NADSYN1: variants seen among roughly 807,000 people sequenced by gnomAD.
NADSYN1 encodes the protein glutamine-dependent NAD(+) synthetase.
In NADSYN1, 80 loss-of-function variants were observed where a neutral mutation model predicts 99.3. The observed-to-expected ratio is 0.81, with a 90% CI of 0.67 to 0.97. NADSYN1 has a LOEUF of 0.97. Ranked by LOEUF, NADSYN1 falls within the 50% of genes least tolerant of loss-of-function variation. NADSYN1 has a pLI of 0.00. For synonymous variants in NADSYN1, 385 were observed against 372.1 expected, an observed-to-expected ratio of 1.03 and a Z score of -0.40; for missense variants, 859 against 948.5, an observed-to-expected ratio of 0.91 and a Z score of 1.24.
chr11:71,494,461 CCTGT>C (rs773483541), intron 18 of NADSYN1, among the ~76,000 whole-genome samples: 86 of 152,198 alleles, frequency 5.7e-4, no homozygotes, highest in Non-Finnish European at 1.0e-3. Flanking sequence ...GACGCAGTGG[CCTGT>C]CTATGTGTTT....
intron 2 of NADSYN1, among the ~76,000 whole-genome samples, chr11:71,456,873 C>G (rs967455385): frequency 6.6e-6 from 1 of 152,244 alleles, no homozygotes; most frequent in Non-Finnish European, 1.5e-5. Flanking sequence ...TCACTGAGCA[C>G]ACCGCCTCTT....
At chr11:71,473,222 T>G (rs927254187) in intron 6 of NADSYN1, 56 bp from the exon 7 acceptor site, 1 of 1,525,320 alleles carries the variant, frequency 6.6e-7, no homozygotes, top group Non-Finnish European at 9.1e-7. Context: ...AGGTAGTGCG[T>G]GGCCCAGACA....
At chr11:71,489,581 C>T (rs551756908) in intron 16 of NADSYN1, among the ~76,000 whole-genome samples, 36 of 152,376 alleles carry the variant, frequency 2.4e-4, no homozygotes, top group African/African-American at 8.4e-4. Context: ...GTCATCTCCC[C>T]TGGCCCATCT....
At chr11:71,493,213 G>GT (rs1949795681) in intron 18 of NADSYN1, among the ~76,000 whole-genome samples, 1 of 152,250 alleles carries the variant, frequency 6.6e-6, no homozygotes, top group South Asian at 2.1e-4. Flanking sequence ...TTTCAACAGT[G>GT]TTTTTTCTAG....
intron 2 of NADSYN1, among the ~76,000 whole-genome samples, chr11:71,457,759 C>T (rs886137682): frequency 6.6e-6 from 1 of 152,178 alleles, no homozygotes; most frequent in East Asian, 1.9e-4. Flanking sequence ...TCTCTGCCTC[C>T]GTCCTCATGT....
chr11:71,474,385 C>G lies in NADSYN1; in HGVS notation c.667-10C>G. On this transcript the variant is annotated splice_polypyrimidine_tract_variant and intron_variant, in intron 8 of 20. Coordinates refer to ENST00000319023, the MANE Select transcript of NADSYN1 (RefSeq NM_018161.5). ...GCTGACCACTCCGCTATGGGGTCCT[C>G]CTTTTTCAGAACGGTGGGATTTACT... 1.2e-6 allele frequency: 2 copies of G among 1,614,074 alleles called. No individual in the cohort carries two copies. The highest frequency in any genetic ancestry group is 2.2e-5 in the South Asian group (2 of 91,078).
intron 1 of NADSYN1, among the ~76,000 whole-genome samples, chr11:71,454,809 C>T (rs772516739): frequency 5.9e-5 from 9 of 152,208 alleles, no homozygotes; most frequent in Non-Finnish European, 1.3e-4. Flanking sequence ...CTCCATGGTG[C>T]TAAGGGTCAG....
chr11:71,474,409 C>G lies in NADSYN1; in HGVS notation c.681C>G (p.Tyr227Ter). ...TCCTTTTTCAGAACGGTGGGATTTA[C>G]TTGCTGGCCAACCAGAAGGGTTGTG... ...TMVTSKNGGIYLLANQKGCDG... is the reference protein window; with the variant it reads ...TMVTSKNGGI Residue 227 changes from tyrosine to a stop codon, truncating the protein, a stop_gained, in exon 9 of 21, where the codon TAC (tyrosine) becomes TAG (stop). Transcript: ENST00000319023. LOFTEE classifies it high-confidence loss of function. The G allele has an allele frequency of 6.2e-7, 1 of 1,614,202 alleles. No homozygotes were observed.
chr11:71,484,786 CCTGAGCGTGAGA>C (rs1191943195), intron 15 of NADSYN1: 9 of 299,852 alleles, frequency 3.0e-5, no homozygotes, highest in Admixed American at 4.3e-5. Context: ...TGAGTGTGAG[CCTGAGCGTGAGA>C]GGTTACATGA....
intron 9 of NADSYN1, chr11:71,476,017 C>A (rs1458012279): frequency 2.2e-6 from 1 of 456,218 alleles, no homozygotes; most frequent in Non-Finnish European, 4.4e-6. Context: ...CCCGGCCTCT[C>A]TTTCTGTTTT....
chr11:71,490,893 C>A lies in NADSYN1; in HGVS notation c.1611C>A (p.Asn537Lys). The change falls in exon 17 of 21, where the codon AAC (asparagine) becomes AAA (lysine). Residue 537 changes from asparagine (N) to lysine (K), a missense_variant. Coordinates refer to ENST00000319023, the MANE Select transcript of NADSYN1 (RefSeq NM_018161.5). ...TKYDCSSADINPIGGISKTDL... is the reference protein window; with the variant it reads ...TKYDCSSADIKPIGGISKTDL... Reference sequence around the variant, plus strand: ...ACGACTGCTCCAGTGCGGACATCAACCCCATAGGCGGGATCAGCAAGACGG... The same window carrying A: ...ACGACTGCTCCAGTGCGGACATCAAACCCATAGGCGGGATCAGCAAGACGG... 2 of 1,614,226 alleles carry A rather than the reference C, an allele frequency of 1.2e-6. No individual in the cohort carries two copies. Among genetic ancestry groups the A allele is most frequent in the Non-Finnish European group, 1.7e-6 (2 of 1,180,028 alleles).
intron 16 of NADSYN1, 69 bp downstream of exon 16, chr11:71,485,717 G>A (rs1034625697): frequency 6.9e-6 from 8 of 1,161,312 alleles, no homozygotes; most frequent in Non-Finnish European, 9.7e-6. Flanking sequence ...GTGATACGCT[G>A]TGAGATTCTA....
chr11:71,478,405 C>T lies in NADSYN1; in HGVS notation c.809C>T (p.Thr270Met), dbSNP rs756054806. Residue 270 changes from threonine to methionine, a missense_variant, in exon 10 of 21, where the codon ACG becomes ATG. Thr to Met is a moderately conservative substitution (Grantham distance 81). Coordinates refer to ENST00000319023, the MANE Select transcript of NADSYN1 (RefSeq NM_018161.5). ...QFSLDDVEVLTATLDLEDVRS... is the reference protein window; with the variant it reads ...QFSLDDVEVLMATLDLEDVRS... ...AATTTCCTTCTCCAGGAAGTCCTGA[C>T]GGCCACGCTGGATCTGGAGGACGTC... is the stretch of plus-strand genomic sequence containing the variant. The T allele has an allele frequency of 1.0e-4, 166 of 1,606,674 alleles. 1 individual carries two copies. The highest frequency in any genetic ancestry group is 4.1e-4 in the Admixed American group (24 of 59,036).
chr11:71,493,234 T>C (rs1041249828), intron 18 of NADSYN1, among the ~76,000 whole-genome samples: 2 of 152,234 alleles, frequency 1.3e-5, no homozygotes, highest in African/African-American at 4.8e-5. Flanking sequence ...TTCTCAGAAT[T>C]TAAGGTTGCA....
chr11:71,478,244 A>G (rs1949682871), intron 9 of NADSYN1, 151 bp from the exon 10 acceptor site: 2 of 651,938 alleles, frequency 3.1e-6, no homozygotes, highest in Non-Finnish European at 5.5e-6. Context: ...GTCCGCCTCA[A>G]TGTCATCTGC....
chr11:71,475,048 C>T (rs1025911031), intron 9 of NADSYN1: 4 of 170,474 alleles, frequency 2.3e-5, no homozygotes, highest in East Asian at 3.0e-4. Context: ...GGATGGGTGC[C>T]GCCTGGCCCC....
chr11:71,474,379 G>T lies in NADSYN1; in HGVS notation c.667-16G>T, dbSNP rs757178592. ...GACACAGCTGACCACTCCGCTATGG[G>T]GTCCTCCTTTTTCAGAACGGTGGGA... On this transcript the variant is annotated splice_polypyrimidine_tract_variant and intron_variant, in intron 8 of 20. Transcript: ENST00000319023. 8 of 1,613,924 alleles carry T rather than the reference G, an allele frequency of 5.0e-6. No homozygotes were observed. Among genetic ancestry groups the T allele is most frequent in the Non-Finnish European group, 6.8e-6 (8 of 1,179,942 alleles).
chr11:71,492,278 G>C (rs903044949), intron 18 of NADSYN1, among the ~76,000 whole-genome samples: 2 of 152,166 alleles, frequency 1.3e-5, no homozygotes, highest in Non-Finnish European at 2.9e-5. Context: ...CCCAGGCTGT[G>C]GTTGGTAGCT....
chr11:71,482,104 C>A, intron 13 of NADSYN1, 79 bp downstream of exon 13: 2 of 1,279,762 alleles, frequency 1.6e-6, no homozygotes, highest in Non-Finnish European at 1.1e-6. Context: ...TAGGAGGGGG[C>A]AGAGGAAACA....
Sources: gnomAD v4.1 joint callset for allele counts (sites outside exome capture counted in the v4.1 genomes callset) on GRCh38, gnomAD v4.1.1 for gene constraint, MANE v1.5 for transcripts, NCBI Gene and HGNC (gene_info 2026-07-23, HGNC 2026-07-21) for gene names.